ASCC3: variants seen among roughly 807,000 people sequenced by gnomAD.
ASCC3 encodes the protein activating signal cointegrator 1 complex subunit 3, also known as ASC-1 complex subunit P200.
Under a neutral mutation model 256.3 loss-of-function variants are expected in ASCC3, and 158 were observed. That is an observed-to-expected ratio of 0.62 (90% CI 0.54 to 0.70). The LOEUF is 0.70. Among genes scored for constraint, ASCC3 ranks in the 30% least tolerant of loss-of-function variants. The pLI, the probability that ASCC3 is intolerant of heterozygous loss-of-function variation, is 0.00. For missense variants in ASCC3, 2,259 were observed against 2,626.0 expected (o/e 0.86, Z 3.05); for synonymous variants, 948 against 883.4 (o/e 1.07, Z -1.30).
At chr6:100,633,014 G>C (rs1774635214) in intron 25 of ASCC3, among the ~76,000 whole-genome samples, 1 of 152,028 alleles carries the variant, frequency 6.6e-6, no homozygotes, top group Admixed American at 6.6e-5. Flanking sequence ...AATCAACAGA[G>C]AGACAATGTG....
intron 4 of ASCC3, among the ~76,000 whole-genome samples, chr6:100,818,783 G>T (rs1253778497): frequency 1.5e-5 from 2 of 130,690 alleles, no homozygotes; most frequent in Non-Finnish European, 3.2e-5. Flanking sequence ...GAAATATAAG[G>T]CATCTAGATT....
At position 100,723,887 on chromosome 6, in the gene ASCC3, TATATATATATTTATA is replaced by T. The variant is rs1460437933; in HGVS notation, c.1902+1637_1902+1651del. On this transcript the variant is annotated intron_variant, in intron 11 of 41. Coordinates refer to ENST00000369162, the MANE Select transcript of ASCC3 (RefSeq NM_006828.4). ...ATATATATATATATATATATATATA[TATATATATATTTATA>T]ATTATATATATGACACATATATATA... 2.1e-4 allele frequency among the ~76,000 whole-genome samples: 29 copies of T among 138,848 alleles called. No homozygotes were observed. The East Asian group carries it at 2.1e-3, about 10-fold the overall frequency. The allele number at this position is 138,848 out of a possible 152,430, so 91.1% of individuals were successfully genotyped here.
chr6:100,589,820 T>C (rs369013918), intron 35 of ASCC3, 52 bp from the exon 36 acceptor site: 1 of 1,608,514 alleles, frequency 6.2e-7, no homozygotes, highest in Non-Finnish European at 8.5e-7. Flanking sequence ...CATATCTTTA[T>C]AAAATTAATA....
At chr6:100,851,986 G>A (rs1313049955) in intron 3 of ASCC3, among the ~76,000 whole-genome samples, 1 of 152,118 alleles carries the variant, frequency 6.6e-6, no homozygotes, top group Non-Finnish European at 1.5e-5. Context: ...ATGCTTTCCA[G>A]CACACTGTCC....
chr6:100,708,810 C>T (rs562724238), intron 13 of ASCC3, among the ~76,000 whole-genome samples: 1 of 151,922 alleles, frequency 6.6e-6, no homozygotes, highest in Admixed American at 6.6e-5. Flanking sequence ...GGCTAAAAGA[C>T]CACAGTGTCA....
At chr6:100,798,895 G>C in intron 7 of ASCC3, 57 bp from the exon 8 acceptor site, 1 of 1,434,158 alleles carries the variant, frequency 7.0e-7, no homozygotes, top group Non-Finnish European at 9.7e-7. Flanking sequence ...ACTTGCTCTG[G>C]TAAATATTCT....
intron 36 of ASCC3, among the ~76,000 whole-genome samples, chr6:100,548,043 A>T (rs994048508): frequency 1.3e-5 from 2 of 151,690 alleles, no homozygotes; most frequent in African/African-American, 4.8e-5. Context: ...GCCAGACCAA[A>T]AAAAAAAAAC....
chr6:100,876,872 T>TA (rs1318163295), intron 1 of ASCC3, among the ~76,000 whole-genome samples: 3 of 152,102 alleles, frequency 2.0e-5, no homozygotes, highest in Non-Finnish European at 2.9e-5. Context: ...TACGTACAGG[T>TA]AAAAAGAAAG....
intron 11 of ASCC3, among the ~76,000 whole-genome samples, chr6:100,720,032 C>A (rs559433475): frequency 6.6e-6 from 1 of 152,056 alleles, no homozygotes; most frequent in African/African-American, 2.4e-5. Context: ...CTTTGGAAGG[C>A]ACTTCTACAT....
chr6:100,585,745 C>T (rs1771622516), intron 36 of ASCC3, among the ~76,000 whole-genome samples: 1 of 152,104 alleles, frequency 6.6e-6, no homozygotes, highest in Non-Finnish European at 1.5e-5. Flanking sequence ...TGGTGATGTA[C>T]AGATAGGTTT....
intron 8 of ASCC3, among the ~76,000 whole-genome samples, chr6:100,768,119 T>TA (rs1394265405): frequency 6.6e-6 from 1 of 152,148 alleles, no homozygotes; most frequent in Non-Finnish European, 1.5e-5. Context: ...CATATGTTTA[T>TA]AAAAAAACCT....
chr6:100,706,019 A>G (rs1778564409), intron 13 of ASCC3, among the ~76,000 whole-genome samples: 1 of 151,868 alleles, frequency 6.6e-6, no homozygotes, highest in South Asian at 2.1e-4. Context: ...CTCTACATAT[A>G]TATACACACA....
chr6:100,551,525 ACT>A (rs1431978549), intron 36 of ASCC3, among the ~76,000 whole-genome samples: 4 of 151,890 alleles, frequency 2.6e-5, no homozygotes, highest in Non-Finnish European at 5.9e-5. Context: ...ATAGTAACAT[ACT>A]CTTAAAAAGG....
intron 25 of ASCC3, among the ~76,000 whole-genome samples, chr6:100,637,337 A>C (rs1368915123): frequency 6.6e-6 from 1 of 152,200 alleles, no homozygotes; most frequent in Non-Finnish European, 1.5e-5. Context: ...TTTTAAGCCC[A>C]CTGTTGAGAC....
At chr6:100,696,724 A>G (rs890503929) in intron 13 of ASCC3, among the ~76,000 whole-genome samples, 1 of 152,078 alleles carries the variant, frequency 6.6e-6, no homozygotes, top group Non-Finnish European at 1.5e-5. Flanking sequence ...TTAAACAACA[A>G]TAAATTAATT....
intron 40 of ASCC3, among the ~76,000 whole-genome samples, chr6:100,510,475 T>C (rs1350457854): frequency 6.6e-6 from 1 of 152,170 alleles, no homozygotes; most frequent in Admixed American, 6.6e-5. Flanking sequence ...ACCATGTTAA[T>C]CAAATCTTCC....
At position 100,818,333 on chromosome 6, in the gene ASCC3, C is replaced by T. The variant is rs529044173; in HGVS notation, c.802-12453G>A. Among the ~76,000 whole-genome samples, 5 of 152,056 alleles carry T rather than the reference C, an allele frequency of 3.3e-5. No homozygotes were observed. The South Asian group carries it at 1.0e-3, about 32-fold the overall frequency. ...CTTGTAATCCCAGCACTTTGGGAGG[C>T]CAAGGCAAATGCATCATGAGGTCAG... On this transcript the variant is annotated intron_variant, in intron 4 of 41. Coordinates refer to ENST00000369162, the MANE Select transcript of ASCC3 (RefSeq NM_006828.4).
At chr6:100,596,279 G>C (rs1043420320) in intron 34 of ASCC3, among the ~76,000 whole-genome samples, 4 of 152,090 alleles carry the variant, frequency 2.6e-5, no homozygotes, top group Admixed American at 1.3e-4. Context: ...TCTTCCATTA[G>C]TGTTTGTAAG....
chr6:100,605,510 G>A (rs574782347), intron 33 of ASCC3, 58 bp downstream of exon 33: 6 of 1,311,106 alleles, frequency 4.6e-6, no homozygotes, highest in East Asian at 2.4e-5. Context: ...AATATAACCA[G>A]AAAAACACCA....
Sources: gnomAD v4.1 joint callset for allele counts (sites outside exome capture counted in the v4.1 genomes callset) on GRCh38, gnomAD v4.1.1 for gene constraint, MANE v1.5 for transcripts, NCBI Gene and HGNC (gene_info 2026-07-23, HGNC 2026-07-21) for gene names.